CFAP20DC: variants seen among roughly 807,000 people sequenced by gnomAD.
CFAP20DC encodes protein CFAP20DC.
In CFAP20DC, 84 loss-of-function variants were observed where a neutral mutation model predicts 101.7. The observed-to-expected ratio is 0.83, with a 90% CI of 0.69 to 0.99. The LOEUF (loss-of-function observed/expected upper bound fraction) is 0.99. CFAP20DC is among the 50% of genes least tolerant of loss of function. The pLI, the probability that CFAP20DC is intolerant of heterozygous loss-of-function variation, is 0.00. For missense variants in CFAP20DC, 1,007 were observed against 970.3 expected (o/e 1.04, Z -0.50); for synonymous variants, 359 against 351.2 (o/e 1.02, Z -0.25).
At chr3:58,809,035 C>T (rs955453016) in intron 14 of CFAP20DC, among the ~76,000 whole-genome samples, 4 of 151,938 alleles carry the variant, frequency 2.6e-5, no homozygotes, top group African/African-American at 9.7e-5. Context: ...TATATATGCA[C>T]CCAATACAGG....
intron 15 of CFAP20DC, among the ~76,000 whole-genome samples, chr3:58,791,323 T>G (rs1423099526): frequency 6.6e-6 from 1 of 152,248 alleles, no homozygotes; most frequent in Non-Finnish European, 1.5e-5. Flanking sequence ...TTATTTCATT[T>G]AATCTTTGCA....
At chr3:58,965,678 C>T (rs2091472534) in intron 4 of CFAP20DC, among the ~76,000 whole-genome samples, 1 of 152,050 alleles carries the variant, frequency 6.6e-6, no homozygotes, top group South Asian at 2.1e-4. Context: ...ACAGTAAATG[C>T]TCAAATGTTA....
Position 58,949,406 on chromosome 3 carries a change from C to T in CFAP20DC, c.279-11644G>A, listed in dbSNP as rs1252240929. ...GTCAATTTTAGATCTTTCCTGCTTT[C>T]ACTTGTGGGCATTTAGAGCTATAAA... On this transcript the variant is annotated intron_variant, in intron 4 of 16. Transcript: ENST00000482387. 2.0e-5 allele frequency among the ~76,000 whole-genome samples: 3 copies of T among 152,088 alleles called. No homozygotes were observed. The East Asian group carries it at 5.8e-4, about 29-fold the overall frequency.
chr3:58,932,082 G>C (rs1158582513), intron 5 of CFAP20DC, among the ~76,000 whole-genome samples: 1 of 152,212 alleles, frequency 6.6e-6, no homozygotes, highest in Non-Finnish European at 1.5e-5. Flanking sequence ...GCTTAAAGGA[G>C]CTGATGGAGG....
At position 58,782,443 on chromosome 3, in the gene CFAP20DC, C is replaced by G. The variant is rs185055886; in HGVS notation, c.2237+23952G>C. On this transcript the variant is annotated intron_variant, in intron 15 of 16. Transcript: ENST00000482387. Reference sequence around the variant, plus strand: ...GGAAGTCCTAGCCAGAGTAATCAGGCAAAAGGAAAAAATAAAGGCATCTAA... The same window carrying G: ...GGAAGTCCTAGCCAGAGTAATCAGGGAAAAGGAAAAAATAAAGGCATCTAA... 2.6e-5 allele frequency among the ~76,000 whole-genome samples: 4 copies of G among 151,692 alleles called. No homozygotes were observed. In the East Asian group the frequency reaches 7.8e-4, roughly 29 times the overall value.
chr3:58,943,688 C>T (rs2088949029), intron 4 of CFAP20DC, among the ~76,000 whole-genome samples: 1 of 152,074 alleles, frequency 6.6e-6, no homozygotes, highest in Non-Finnish European at 1.5e-5. Flanking sequence ...CACAACTCCT[C>T]GCCAGCAAGG....
chr3:58,823,583 G>A (rs1314106866), intron 14 of CFAP20DC, among the ~76,000 whole-genome samples: 1 of 152,078 alleles, frequency 6.6e-6, no homozygotes, highest in Non-Finnish European at 1.5e-5. Flanking sequence ...TTGACACTGG[G>A]TATTAACCCA....
Position 58,722,199 on chromosome 3 carries a change from C to T in CFAP20DC, c.198-4571G>A, listed in dbSNP as rs1163307113. On this transcript the variant is annotated intron_variant, in intron 3 of 3. Coordinates refer to the CFAP20DC transcript ENST00000486145. The surrounding 1 kb of genome is among the most constrained non-coding windows in gnomAD (Gnocchi z 4.5). ...CCTCCGGGTCATCCCAGCCCAGGCA[C>T]CAGGCATGTGAGAAGCCTCCCAGTG... is the stretch of plus-strand genomic sequence containing the variant. Among the ~76,000 whole-genome samples, 1 of 152,170 alleles carries T rather than the reference C, an allele frequency of 6.6e-6. No individual in the cohort carries two copies. The highest frequency in any genetic ancestry group is 6.5e-5 in the Admixed American group (1 of 15,284).
chr3:58,787,406 G>A (rs1029435873), intron 15 of CFAP20DC, among the ~76,000 whole-genome samples: 2 of 151,308 alleles, frequency 1.3e-5, no homozygotes, highest in Non-Finnish European at 2.9e-5. Flanking sequence ...GAGTTAGTGG[G>A]TGCAGCACAC....
chr3:59,033,590 A>G (rs1383622938), intron 4 of CFAP20DC, among the ~76,000 whole-genome samples: 2 of 152,134 alleles, frequency 1.3e-5, no homozygotes, highest in African/African-American at 4.8e-5. Flanking sequence ...CAAGCAAAAG[A>G]AAGGATATCA....
intron 14 of CFAP20DC, among the ~76,000 whole-genome samples, chr3:58,822,916 G>A (rs896124063): frequency 5.3e-5 from 8 of 152,064 alleles, no homozygotes; most frequent in Non-Finnish European, 8.8e-5. Flanking sequence ...GAGAGATGCC[G>A]TCCCTATCCC....
chr3:59,046,273 C>T lies in CFAP20DC; in HGVS notation c.161G>A (p.Ser54Asn). The change falls in exon 3 of 17, where the codon AGC becomes AAC. Residue 54 changes from serine (S) to asparagine (N), a missense_variant. Physicochemically the swap from Ser to Asn is conservative, Grantham distance 46 (BLOSUM62 1). Transcript: ENST00000482387. The part of the protein sequence containing the change: ...KSFVFVLEGS[S>N]QTNKIQLPKE... ...TGGTAACTGAATTTTGTTTGTTTGG[C>T]TGCTGCCTTCCAGGACAAACACAAA... 6.5e-7 allele frequency: 1 copy of T among 1,532,538 alleles called. No homozygotes were observed. The highest frequency in any genetic ancestry group is 8.7e-7 in the Non-Finnish European group (1 of 1,145,530). The allele number at this position is 1,532,538 out of a possible 1,614,324, so 94.9% of individuals were successfully genotyped here.
intron 4 of CFAP20DC, among the ~76,000 whole-genome samples, chr3:59,019,587 T>C (rs1391384800): frequency 1.3e-5 from 2 of 152,052 alleles, no homozygotes; most frequent in Non-Finnish European, 2.9e-5. Context: ...AATGAAGCTT[T>C]ACTGTGTTAA....
Position 58,867,026 on chromosome 3 carries a change from A to C in CFAP20DC, c.1136-338T>G, listed in dbSNP as rs565512460. 4.6e-5 allele frequency among the ~76,000 whole-genome samples: 7 copies of C among 152,324 alleles called. No individual in the cohort carries two copies. In the South Asian group the frequency reaches 1.4e-3, roughly 32 times the overall value. Reference sequence around the variant, plus strand: ...ACATGAAATGAAGTGAGTTTTCTTTAAATTATAATTCTTACTAAATGGGAC... The same window carrying C: ...ACATGAAATGAAGTGAGTTTTCTTTCAATTATAATTCTTACTAAATGGGAC... On this transcript the variant is annotated intron_variant, in intron 10 of 16. Coordinates refer to ENST00000482387, the MANE Select transcript of CFAP20DC (RefSeq NM_001394063.1).
At chr3:58,887,851 G>C (rs1054843541) in intron 6 of CFAP20DC, among the ~76,000 whole-genome samples, 3 of 152,154 alleles carry the variant, frequency 2.0e-5, no homozygotes, top group African/African-American at 7.2e-5. Context: ...AAAAAACACT[G>C]GTTGATTATT....
In CFAP20DC at chr3:58,863,955, A is replaced by T. The variant is rs558272980; in HGVS notation, c.1259-63T>A. On this transcript the variant is annotated intron_variant, in intron 11 of 16. Coordinates refer to ENST00000482387, the MANE Select transcript of CFAP20DC (RefSeq NM_001394063.1). The surrounding 1 kb of genome is among the most constrained non-coding windows in gnomAD (Gnocchi z 5.9). The stretch of plus-strand genomic sequence containing the variant: ...ATCCATAAAAGTGTTATTTTTATTT[A>T]TTTATTTTTAGTTTTAGTTTTTGAG... The T allele has an allele frequency of 4.9e-6, 7 of 1,429,414 alleles. No homozygotes were observed. The East Asian group carries it at 1.7e-4, about 36-fold the overall frequency. The allele number at this position is 1,429,414 out of a possible 1,614,324, so 88.5% of individuals were successfully genotyped here.
In CFAP20DC at chr3:59,006,431, T is replaced by C. The variant is rs953699213; in HGVS notation, c.278+33126A>G. ...AAAACTGGAAGAATTCACAGATCCT[T>C]TGAAAGAAGCAGCATGCTGCTGCAA... On this transcript the variant is annotated intron_variant, in intron 4 of 16. Transcript: ENST00000482387. The surrounding 1 kb of genome is among the most constrained non-coding windows in gnomAD (Gnocchi z 4.3). 2.0e-5 allele frequency among the ~76,000 whole-genome samples: 3 copies of C among 152,180 alleles called. No individual in the cohort carries two copies. Among genetic ancestry groups the C allele is most frequent in the Admixed American group, 6.5e-5 (1 of 15,278 alleles).
rs1173013536 is a variant in CFAP20DC, at chr3:58,849,318, G to A, written c.1685C>T (p.Ala562Val). ...LTLESLLGKA[A>V]KRTSKEYLRS... ...TAGATATTCCTTACTTGTCCGCTTTGCAGCCTTCCCCAGCAGGCTCTCTAA... is the reference window on the plus strand; with the variant it reads ...TAGATATTCCTTACTTGTCCGCTTTACAGCCTTCCCCAGCAGGCTCTCTAA... The change falls in exon 13 of 17, where the codon GCA (alanine) becomes GTA (valine). Residue 562 changes from alanine to valine, a missense_variant. By Grantham distance (64) the Ala-to-Val change is moderately conservative. Transcript: ENST00000482387. 3.3e-6 allele frequency: 5 copies of A among 1,535,890 alleles called. No homozygotes were observed. The highest frequency in any genetic ancestry group is 3.3e-4 in the Middle Eastern group (2 of 6,010).
intron 14 of CFAP20DC, among the ~76,000 whole-genome samples, chr3:58,821,297 A>T (rs1319600786): frequency 6.6e-6 from 1 of 152,236 alleles, no homozygotes; most frequent in Admixed American, 6.5e-5. Context: ...GACAAATGGG[A>T]TCTAGTTAAA....
Sources: gnomAD v4.1 joint callset for allele counts (sites outside exome capture counted in the v4.1 genomes callset) on GRCh38, gnomAD v4.1.1 for gene constraint, Gnocchi (gnomAD v3.1) non-coding constraint, MANE v1.5 for transcripts, NCBI Gene and HGNC (gene_info 2026-07-23, HGNC 2026-07-21) for gene names.